Variants in STARD13 observed in about 807,000 individuals in gnomAD.
STARD13 encodes the protein StAR related lipid transfer domain containing 13, also known as stAR-related lipid transfer protein 13.
In STARD13, 62 loss-of-function variants were observed where a neutral mutation model predicts 106.4. That is an observed-to-expected ratio of 0.58 (90% CI 0.48 to 0.72). The LOEUF is 0.72. Ranked by LOEUF, STARD13 falls within the 30% of genes least tolerant of loss-of-function variation. The pLI is 0.00. For synonymous variants in STARD13, 565 were observed against 553.0 expected, an observed-to-expected ratio of 1.02 and a Z score of -0.31; for missense variants, 1,387 against 1,424.0, an observed-to-expected ratio of 0.97 and a Z score of 0.42.
chr13:33,638,497 G>C, the STARD13 span, among the ~76,000 whole-genome samples: 3 of 152,162 alleles, frequency 2.0e-5, no homozygotes, highest in Admixed American at 6.5e-5. Flanking sequence ...ATTATCTAAA[G>C]ACCTGAAATC....
the STARD13 span, among the ~76,000 whole-genome samples, chr13:33,492,063 C>G: frequency 6.6e-6 from 1 of 152,028 alleles, no homozygotes; most frequent in Non-Finnish European, 1.5e-5. Context: ...GTGGGGGTCA[C>G]AAGGTGCTCA....
the STARD13 span, among the ~76,000 whole-genome samples, chr13:33,571,597 G>C: frequency 3.9e-5 from 6 of 152,244 alleles, no homozygotes; most frequent in South Asian, 1.2e-3. Flanking sequence ...TGCCTTGCCA[G>C]CAGTTATTCT....
At chr13:33,339,909 A>C (rs377172454) in intron 1 of STARD13, among the ~76,000 whole-genome samples, 138 of 146,686 alleles carry the variant, frequency 9.4e-4, no homozygotes, top group African/African-American at 3.3e-3. Flanking sequence ...TGTCTCAAAG[A>C]AAAAAAAAAA....
intron 1 of STARD13, among the ~76,000 whole-genome samples, chr13:33,313,979 T>C (rs142317374): frequency 1.3e-5 from 2 of 152,318 alleles, no homozygotes; most frequent in African/African-American, 4.8e-5. Context: ...ATATGATAGT[T>C]AGGTACTTTC....
At chr13:33,621,612 A>G in the STARD13 span, among the ~76,000 whole-genome samples, 9 of 146,648 alleles carry the variant, frequency 6.1e-5, no homozygotes, top group Non-Finnish European at 1.3e-4. Flanking sequence ...CCCGGGAGGC[A>G]GAGCTTGCAG....
chr13:33,351,405 G>A (rs1191079748), upstream of STARD13, among the ~76,000 whole-genome samples: 1 of 152,176 alleles, frequency 6.6e-6, no homozygotes, highest in African/African-American at 2.4e-5. Flanking sequence ...TCTGATTCCT[G>A]AAGGAAAGAA....
chr13:33,529,869 T>TACC, the STARD13 span, among the ~76,000 whole-genome samples: 16 of 151,972 alleles, frequency 1.1e-4, no homozygotes, highest in Non-Finnish European at 2.4e-4. Flanking sequence ...GCCTAGGGGG[T>TACC]ACCGGTAGCA....
At chr13:33,182,287 G>A (rs759744866) in intron 1 of STARD13, among the ~76,000 whole-genome samples, 1 of 152,204 alleles carries the variant, frequency 6.6e-6, no homozygotes, top group Non-Finnish European at 1.5e-5. Flanking sequence ...TCAGCTGTAT[G>A]AGATGCATCT....
intron 7 of STARD13, among the ~76,000 whole-genome samples, chr13:33,121,790 C>T (rs1876359721): frequency 6.8e-6 from 1 of 147,836 alleles, no homozygotes; most frequent in East Asian, 2.1e-4. Flanking sequence ...AGTGATTCTT[C>T]TGCCACAGCC....
intron 1 of STARD13, among the ~76,000 whole-genome samples, chr13:33,267,832 C>T (rs940266410): frequency 2.6e-5 from 4 of 152,128 alleles, no homozygotes; most frequent in Admixed American, 1.3e-4. Context: ...GCTGCTGGGC[C>T]GTCTCTTTCC....
intron 1 of STARD13, among the ~76,000 whole-genome samples, chr13:33,218,473 C>T (rs1397898861): frequency 6.6e-6 from 1 of 152,228 alleles, no homozygotes; most frequent in Admixed American, 6.5e-5. Flanking sequence ...GTCTCATTTG[C>T]TGACTCTTGA....
chr13:33,137,125 A>G lies in STARD13; in HGVS notation c.387+5185T>C, dbSNP rs191383676. 2.8e-3 allele frequency among the ~76,000 whole-genome samples: 425 copies of G among 152,368 alleles called. 3 individuals are homozygous for G. Among genetic ancestry groups the G allele is most frequent in the African/African-American group, 8.9e-3 (370 of 41,588 alleles). ...TAAAACATTAAGCCTTGTATTTTCT[A>G]TAATTTGTTAAAATTAATATTTCTA... On this transcript the variant is annotated intron_variant, in intron 4 of 13. Transcript: ENST00000336934.
At chr13:33,663,752 G>A in the STARD13 span, among the ~76,000 whole-genome samples, 20 of 152,310 alleles carry the variant, frequency 1.3e-4, no homozygotes, top group East Asian at 3.7e-3. Flanking sequence ...GTGGACAGCA[G>A]AGCAGGAGGG....
At position 33,105,605 on chromosome 13, in the gene STARD13, T is replaced by A; in HGVS notation, c.3330A>T (p.Glu1110Asp). The A allele has an allele frequency of 6.2e-7, 1 of 1,613,208 alleles. No individual in the cohort carries two copies. Among genetic ancestry groups the A allele is most frequent in the Non-Finnish European group, 8.5e-7 (1 of 1,179,120 alleles). The change falls in exon 14 of 14, where the codon GAA (glutamate) becomes GAT (aspartate). Residue 1110 changes from glutamate to aspartate, a missense_variant. Transcript: ENST00000336934. ...CACTGGGCAAAACTCAGATTTTAGT[T>A]TCTGGGCCCTCAGCAATGAGGGGCT... is the stretch of plus-strand genomic sequence containing the variant. ...SFQPLIAEGP[E>D]TKI
rs375147322 is a variant in STARD13, at chr13:33,111,871, G to C, written c.2514C>G (p.Ala838=). 1 of 1,613,550 alleles carries C rather than the reference G, an allele frequency of 6.2e-7. No homozygotes were observed. The highest frequency in any genetic ancestry group is 8.5e-7 in the Non-Finnish European group (1 of 1,179,496). The change falls in exon 10 of 14, where the codon GCC becomes GCG. Residue 838 remains alanine (A), a synonymous_variant. Coordinates refer to ENST00000336934, the MANE Select transcript of STARD13 (RefSeq NM_178006.4). ...GGTCCTTTTGATCTGGCTTCCCAGT[G>C]GCATATTTCTTCTGTATGACTCTGT... ...SSPRVIQKKY[A]TGKPDQKDLN... is the part of the protein sequence containing the mutation.
chr13:33,436,360 C>G, the STARD13 span, among the ~76,000 whole-genome samples: 1 of 152,048 alleles, frequency 6.6e-6, no homozygotes, highest in Non-Finnish European at 1.5e-5. Context: ...GTGAAGAACA[C>G]AGTAATTTGG....
chr13:33,317,588 T>C (rs1893388946), intron 1 of STARD13, among the ~76,000 whole-genome samples: 1 of 152,190 alleles, frequency 6.6e-6, no homozygotes, highest in South Asian at 2.1e-4. Context: ...AGATCTCTCC[T>C]CAAATATCAC....
intron 1 of STARD13, among the ~76,000 whole-genome samples, chr13:33,205,341 AG>A (rs1466166831): frequency 2.0e-5 from 3 of 152,262 alleles, no homozygotes. Flanking sequence ...GAAGGCTCGT[AG>A]GAAGTCCAGG....
Position 33,126,224 on chromosome 13 carries a change from T to C in STARD13, c.1939A>G (p.Met647Val), listed in dbSNP as rs1257915677. 3 of 1,614,044 alleles carry C rather than the reference T, an allele frequency of 1.9e-6. No homozygotes were observed. Among genetic ancestry groups the C allele is most frequent in the Non-Finnish European group, 2.5e-6 (3 of 1,180,036 alleles). Residue 647 changes from methionine (M) to valine (V), a missense_variant, in exon 7 of 14, where the codon ATG becomes GTG. By Grantham distance (21) the Met-to-Val change is conservative. Coordinates refer to ENST00000336934, the MANE Select transcript of STARD13 (RefSeq NM_178006.4). ...TAGTCGGGAACTTTCATCCTCTTCA[T>C]GAACTTTGGAACTGACCTAGAATTT... is the stretch of plus-strand genomic sequence containing the variant. The part of the protein sequence containing the change: ...HGWTWSVPKF[M>V]KRMKVPDYKD...
Sources: gnomAD v4.1 joint callset for allele counts (sites outside exome capture counted in the v4.1 genomes callset) on GRCh38, gnomAD v4.1.1 for gene constraint, MANE v1.5 for transcripts, NCBI Gene and HGNC (gene_info 2026-07-23, HGNC 2026-07-21) for gene names.